FRMD4B: variants seen among roughly 807,000 people sequenced by gnomAD.
FRMD4B encodes the protein FERM domain-containing protein 4B.
Under a neutral mutation model 141.5 loss-of-function variants are expected in FRMD4B, and 74 were observed. The observed-to-expected ratio is 0.52, with a 90% CI of 0.43 to 0.63. The LOEUF (loss-of-function observed/expected upper bound fraction) is 0.63. Among genes scored for constraint, FRMD4B ranks in the 30% least tolerant of loss-of-function variants. The probability of loss-of-function intolerance (pLI) is 0.00; values close to 1 mark genes in which losing one functional copy is unlikely to be tolerated. For missense variants in FRMD4B, 1,366 were observed against 1,253.4 expected, an observed-to-expected ratio of 1.09 and a Z score of -1.36; for synonymous variants, 506 against 467.9, an observed-to-expected ratio of 1.08 and a Z score of -1.05.
intron 1 of FRMD4B, among the ~76,000 whole-genome samples, chr3:69,317,645 C>T (rs1701846724): frequency 6.8e-6 from 1 of 147,306 alleles, no homozygotes; most frequent in South Asian, 2.2e-4. Context: ...ATCCCAGCTA[C>T]TTGGGAGGCT....
chr3:69,212,936 T>C (rs2093100720), intron 11 of FRMD4B, among the ~76,000 whole-genome samples: 1 of 152,192 alleles, frequency 6.6e-6, no homozygotes, highest in African/African-American at 2.4e-5. Context: ...ATTTTGGTCT[T>C]GCAAAATAGA....
chr3:69,195,273 C>G lies in FRMD4B; in HGVS notation c.1326G>C (p.Leu442=). The G allele has an allele frequency of 6.2e-7, 1 of 1,613,114 alleles. No individual in the cohort carries two copies. The change falls in exon 15 of 23, where the codon CTG becomes CTC. Residue 442 remains leucine (L), a synonymous_variant. Coordinates refer to ENST00000398540, the MANE Select transcript of FRMD4B (RefSeq NM_015123.3). ...TCTTCTTAAGCTCCTCAACTTTTTTCAGAAGTTTTTCTTGTAATAGTTTCT... is the reference window on the plus strand; with the variant it reads ...TCTTCTTAAGCTCCTCAACTTTTTTGAGAAGTTTTTCTTGTAATAGTTTCT... ...KKEKLLQEKL[L]KKVEELKKIC...
intron 1 of FRMD4B, among the ~76,000 whole-genome samples, chr3:69,515,715 T>C (rs2107113500): frequency 1.3e-5 from 2 of 152,150 alleles, no homozygotes; most frequent in East Asian, 1.9e-4. Flanking sequence ...ATTTATTTAA[T>C]TAATAAAGAA....
intron 4 of FRMD4B, among the ~76,000 whole-genome samples, chr3:69,298,878 T>C (rs1398590539): frequency 6.6e-6 from 1 of 152,156 alleles, no homozygotes; most frequent in Non-Finnish European, 1.5e-5. Flanking sequence ...TTTACTTTAC[T>C]TAGTGTCAGT....
At chr3:69,315,719 G>C (rs1052451913) in intron 1 of FRMD4B, among the ~76,000 whole-genome samples, 8 of 152,198 alleles carry the variant, frequency 5.3e-5, no homozygotes, top group African/African-American at 1.7e-4. Flanking sequence ...TTGAATAAGA[G>C]AAACAGGTTG....
At chr3:69,433,753 T>C (rs1402175594) in intron 1 of FRMD4B, among the ~76,000 whole-genome samples, 5 of 152,226 alleles carry the variant, frequency 3.3e-5, no homozygotes, top group African/African-American at 1.2e-4. Flanking sequence ...CAATAATTTT[T>C]AGTACCCCTT....
chr3:69,456,020 CTTAGT>C (rs780574804), intron 1 of FRMD4B, among the ~76,000 whole-genome samples: 40 of 152,266 alleles, frequency 2.6e-4, no homozygotes, highest in African/African-American at 6.0e-4. Context: ...ACATCAAGGA[CTTAGT>C]TTAGTTTCTG....
chr3:69,280,693 C>G (rs1035696712), intron 5 of FRMD4B, among the ~76,000 whole-genome samples: 1 of 152,116 alleles, frequency 6.6e-6, no homozygotes, highest in Admixed American at 6.6e-5. Context: ...ATGACATTAA[C>G]CACTGCAACC....
intron 1 of FRMD4B, among the ~76,000 whole-genome samples, chr3:69,366,055 T>C (rs1211605511): frequency 7.8e-6 from 1 of 128,344 alleles, no homozygotes; most frequent in Non-Finnish European, 1.6e-5. Flanking sequence ...ACCCCACCTC[T>C]ACAAAACACA....
Position 69,216,620 on chromosome 3 carries a change from C to T in FRMD4B, c.790-271G>A, listed in dbSNP as rs577516006. 4.6e-5 allele frequency among the ~76,000 whole-genome samples: 7 copies of T among 151,680 alleles called. No homozygotes were observed. The South Asian group carries it at 8.3e-4, about 18-fold the overall frequency. The stretch of plus-strand genomic sequence containing the variant: ...TAATTTTTTTGTATTTTAGTAGAGA[C>T]GGGGTTTCACTATGTTGGCTAGGAT... On this transcript the variant is annotated intron_variant, in intron 10 of 22. Coordinates refer to ENST00000398540, the MANE Select transcript of FRMD4B (RefSeq NM_015123.3).
intron 5 of FRMD4B, among the ~76,000 whole-genome samples, chr3:69,258,945 C>G (rs2106837817): frequency 6.6e-6 from 1 of 152,254 alleles, no homozygotes; most frequent in South Asian, 2.1e-4. Context: ...GCACCAGGGA[C>G]CAGTTTTGTA....
In FRMD4B at chr3:69,181,536, T is replaced by C. The variant is rs937013004; in HGVS notation, c.2214A>G (p.Thr738=). The part of the protein sequence containing the change: ...DGSSYTSQSS[T]EYYCVTPVTG... ...TAACTGGTGTCACACAGTAATACTC[T>C]GTGCTTGATTGGCTTGTATAAGAAG... is the stretch of plus-strand genomic sequence containing the variant. Residue 738 remains threonine, a synonymous_variant, in exon 21 of 23, where the codon ACA becomes ACG. Coordinates refer to ENST00000398540, the MANE Select transcript of FRMD4B (RefSeq NM_015123.3). 8 of 1,613,854 alleles carry C rather than the reference T, an allele frequency of 5.0e-6. No individual in the cohort carries two copies. The highest frequency in any genetic ancestry group is 6.8e-6 in the Non-Finnish European group (8 of 1,179,878).
intron 4 of FRMD4B, among the ~76,000 whole-genome samples, chr3:69,300,572 G>A (rs1701181488): frequency 6.6e-6 from 1 of 152,164 alleles, no homozygotes; most frequent in Admixed American, 6.5e-5. Context: ...CCAGATATTA[G>A]CTGTCAAATA....
intron 1 of FRMD4B, among the ~76,000 whole-genome samples, chr3:69,364,573 C>T (rs146986295): frequency 6.6e-6 from 1 of 152,332 alleles, no homozygotes; most frequent in African/African-American, 2.4e-5. Flanking sequence ...AACCCATCTT[C>T]ACCCTCAGGG....
intron 1 of FRMD4B, among the ~76,000 whole-genome samples, chr3:69,437,071 T>C (rs1401739640): frequency 6.6e-6 from 1 of 152,122 alleles, no homozygotes; most frequent in Non-Finnish European, 1.5e-5. Flanking sequence ...GTAGTGGTTG[T>C]TCAACATTGT....
At chr3:69,312,887 T>A (rs1701646568) in intron 2 of FRMD4B, among the ~76,000 whole-genome samples, 1 of 75,766 alleles carries the variant, frequency 1.3e-5, no homozygotes, top group Non-Finnish European at 2.4e-5. Flanking sequence ...AGACTCCGTC[T>A]GAAAAAAAAA....
chr3:69,474,113 A>G (rs1705939727), intron 1 of FRMD4B, among the ~76,000 whole-genome samples: 1 of 152,204 alleles, frequency 6.6e-6, no homozygotes, highest in Non-Finnish European at 1.5e-5. Context: ...GGTCTGAATT[A>G]CTTGCTCTCC....
rs144147379 is a variant in FRMD4B at position 69,508,743 on chromosome 3, C to T, written c.-129+33463G>A. On this transcript the variant is annotated intron_variant, in intron 1 of 5. Transcript: ENST00000459638. Reference sequence around the variant, plus strand: ...AGAATAGGTTGCATTATCTGGTCCTCGTTTGGGACAGTACAGAGCAACATA... The same window carrying T: ...AGAATAGGTTGCATTATCTGGTCCTTGTTTGGGACAGTACAGAGCAACATA... Among the ~76,000 whole-genome samples, 28 of 152,290 alleles carry T rather than the reference C, an allele frequency of 1.8e-4. No individual in the cohort carries two copies. The South Asian group carries it at 2.1e-3, about 11-fold the overall frequency.
At chr3:69,304,693 G>A (rs1021982006) in intron 3 of FRMD4B, among the ~76,000 whole-genome samples, 10 of 152,092 alleles carry the variant, frequency 6.6e-5, no homozygotes, top group South Asian at 2.1e-4. Context: ...AACTGTTTAC[G>A]TGCCTTTTCC....
Sources: gnomAD v4.1 joint callset for allele counts (sites outside exome capture counted in the v4.1 genomes callset) on GRCh38, gnomAD v4.1.1 for gene constraint, MANE v1.5 for transcripts, NCBI Gene and HGNC (gene_info 2026-07-23, HGNC 2026-07-21) for gene names.